RFX7: variants seen among roughly 807,000 people sequenced by gnomAD.
RFX7 encodes the protein regulatory factor X7.
A neutral mutation model predicts 111.8 loss-of-function variants in RFX7; 26 were observed. The observed-to-expected ratio is 0.23, with a 90% CI of 0.17 to 0.32. The LOEUF is 0.32. Among genes scored for constraint, RFX7 ranks in the 10% least tolerant of loss-of-function variants. The probability of loss-of-function intolerance (pLI) is 1.00; values close to 1 mark genes in which losing one functional copy is unlikely to be tolerated. For missense variants in RFX7, 1,573 were observed against 1,772.9 expected (o/e 0.89, Z 2.02); for synonymous variants, 624 against 624.4 (o/e 1.00, Z 0.01).
At chr15:56,221,855 T>C (rs1290901746) in intron 2 of RFX7, among the ~76,000 whole-genome samples, 1 of 152,224 alleles carries the variant, frequency 6.6e-6, no homozygotes, top group East Asian at 1.9e-4. Flanking sequence ...TTCTACATGA[T>C]ATAAACATTG....
chr15:56,142,947 A>G, intron 4 of RFX7, 47 bp from the exon 5 acceptor site: 1 of 1,604,482 alleles, frequency 6.2e-7, no homozygotes, highest in South Asian at 1.1e-5. Context: ...GCAATTCATT[A>G]ACGATTTTTG....
At chr15:56,163,664 A>G (rs182276875) in intron 3 of RFX7, among the ~76,000 whole-genome samples, 1 of 152,328 alleles carries the variant, frequency 6.6e-6, no homozygotes, top group East Asian at 1.9e-4. Context: ...ATGGTCTCAC[A>G]GGAAAGTGAG....
At chr15:56,130,172 C>T (rs1377261803) in intron 5 of RFX7, among the ~76,000 whole-genome samples, 1 of 151,938 alleles carries the variant, frequency 6.6e-6, no homozygotes, top group African/African-American at 2.4e-5. Flanking sequence ...AGTGTGTTAA[C>T]AGACAAAAAG....
chr15:56,152,799 A>G (rs528938169), intron 3 of RFX7, among the ~76,000 whole-genome samples: 2 of 152,098 alleles, frequency 1.3e-5, no homozygotes, highest in African/African-American at 4.8e-5. Flanking sequence ...AAATCAACAA[A>G]ATAGACCACT....
intron 3 of RFX7, among the ~76,000 whole-genome samples, chr15:56,171,780 T>C (rs1260876867): frequency 2.0e-5 from 3 of 152,162 alleles, no homozygotes; most frequent in Admixed American, 2.0e-4. Flanking sequence ...CAAGTTTGGC[T>C]CTGGAAAAGT....
chr15:56,120,512 A>T (rs1157569982), intron 5 of RFX7, among the ~76,000 whole-genome samples: 3 of 152,152 alleles, frequency 2.0e-5, no homozygotes, highest in African/African-American at 4.8e-5. Flanking sequence ...TCTAGCTAGC[A>T]CTTCTAGTAC....
intron 3 of RFX7, among the ~76,000 whole-genome samples, chr15:56,160,974 A>G (rs1248731739): frequency 2.6e-5 from 4 of 151,988 alleles, no homozygotes; most frequent in African/African-American, 9.7e-5. Flanking sequence ...GGGGAGAGCA[A>G]TTTTTACTGT....
intron 3 of RFX7, among the ~76,000 whole-genome samples, chr15:56,178,144 A>T (rs557313545): frequency 3.9e-4 from 58 of 149,188 alleles, no homozygotes; most frequent in Admixed American, 3.8e-3. Flanking sequence ...AGACAAAAAA[A>T]AAAACTCGAA....
chr15:56,191,100 C>G (rs563261578), intron 2 of RFX7, among the ~76,000 whole-genome samples: 1 of 152,206 alleles, frequency 6.6e-6, no homozygotes, highest in Non-Finnish European at 1.5e-5. Context: ...CCCTTCCTCT[C>G]TGGCCAATTT....
At chr15:56,109,729 C>G (rs2041885128) in intron 5 of RFX7, among the ~76,000 whole-genome samples, 1 of 151,664 alleles carries the variant, frequency 6.6e-6, no homozygotes. Flanking sequence ...GCGTCTCTGC[C>G]CGGCCGCCCC....
chr15:56,208,164 G>A (rs2043274375), intron 2 of RFX7, among the ~76,000 whole-genome samples: 2 of 152,124 alleles, frequency 1.3e-5, no homozygotes, highest in African/African-American at 2.4e-5. Flanking sequence ...AGGAGAAAAG[G>A]AATCATTGTG....
intron 3 of RFX7, among the ~76,000 whole-genome samples, chr15:56,149,454 G>A (rs1480366400): frequency 8.5e-5 from 13 of 152,200 alleles, no homozygotes; most frequent in Admixed American, 3.9e-4. Context: ...AATTCCCAGC[G>A]AGATTGATGC....
At chr15:56,099,880 A>G (rs2041730225) in intron 8 of RFX7, among the ~76,000 whole-genome samples, 1 of 152,154 alleles carries the variant, frequency 6.6e-6, no homozygotes, top group Non-Finnish European at 1.5e-5. Flanking sequence ...GACCTTAAAA[A>G]TTCATTCATT....
intron 2 of RFX7, among the ~76,000 whole-genome samples, chr15:56,231,151 G>C (rs1206452825): frequency 6.6e-6 from 1 of 152,186 alleles, no homozygotes; most frequent in Non-Finnish European, 1.5e-5. Flanking sequence ...GGCTTATTTT[G>C]ACTGCAATAT....
chr15:56,218,139 ATTTT>A (rs2043382713), intron 2 of RFX7, among the ~76,000 whole-genome samples: 1 of 51,944 alleles, frequency 1.9e-5, no homozygotes, highest in Admixed American at 2.0e-4. Flanking sequence ...TTTAGAAATG[ATTTT>A]CTTTTTTTTT....
intron 2 of RFX7, among the ~76,000 whole-genome samples, chr15:56,200,730 C>T (rs922733900): frequency 1.8e-4 from 28 of 151,788 alleles, no homozygotes; most frequent in African/African-American, 6.1e-4. Flanking sequence ...ATGAGGGAGT[C>T]GGAGGTTGCA....
intron 5 of RFX7, among the ~76,000 whole-genome samples, chr15:56,111,972 G>A (rs1046108098): frequency 6.6e-5 from 10 of 151,930 alleles, no homozygotes; most frequent in African/African-American, 1.9e-4. Context: ...AAAACTAGCC[G>A]GGCGTGGTGG....
At chr15:56,167,368 T>C (rs994954590) in intron 3 of RFX7, among the ~76,000 whole-genome samples, 3 of 152,272 alleles carry the variant, frequency 2.0e-5, no homozygotes, top group South Asian at 4.1e-4. Context: ...ACCTCTCCGA[T>C]AGACCAACGT....
rs2042790837 is a variant in RFX7, at chr15:56,167,000, TG to T, written c.195+12269del. Among the ~76,000 whole-genome samples the T allele has an allele frequency of 2.0e-5, 3 of 152,196 alleles. No homozygotes were observed. The South Asian group carries it at 6.2e-4, about 32-fold the overall frequency. On this transcript the variant is annotated intron_variant, in intron 3 of 9. Coordinates refer to ENST00000559447, the MANE Select transcript of RFX7 (RefSeq NM_022841.7). ...TGGATTACTATTTCCCATCCTCCTTTGGTTGACTCTCAGCAGACTAGGCCTT... is the reference window on the plus strand; with the variant it reads ...TGGATTACTATTTCCCATCCTCCTTTGTTGACTCTCAGCAGACTAGGCCTT...
Sources: gnomAD v4.1 joint callset for allele counts (sites outside exome capture counted in the v4.1 genomes callset) on GRCh38, gnomAD v4.1.1 for gene constraint, MANE v1.5 for transcripts, NCBI Gene and HGNC (gene_info 2026-07-23, HGNC 2026-07-21) for gene names.